GPC5: variants seen among roughly 807,000 people sequenced by gnomAD.
GPC5 encodes the protein glypican-5.
In GPC5, 47 loss-of-function variants were observed where a neutral mutation model predicts 53.9. The observed-to-expected ratio is 0.87, with a 90% confidence interval of 0.69 to 1.11. GPC5 has a LOEUF of 1.11. Among genes scored for constraint, GPC5 ranks in the 50% most tolerant of loss-of-function variants. The pLI is 0.00. For missense variants in GPC5, 748 were observed against 713.1 expected (o/e 1.05, Z -0.56); for synonymous variants, 286 against 263.3 (o/e 1.09, Z -0.84).
At chr13:91,450,478 G>T (rs1877214662) in intron 2 of GPC5, among the ~76,000 whole-genome samples, 1 of 152,116 alleles carries the variant, frequency 6.6e-6, no homozygotes, top group Admixed American at 6.6e-5. Context: ...TTGAATCTTG[G>T]ATATGTGATC....
At chr13:92,741,577 A>T (rs1467492609) in intron 7 of GPC5, among the ~76,000 whole-genome samples, 5 of 151,946 alleles carry the variant, frequency 3.3e-5, no homozygotes, top group Non-Finnish European at 5.9e-5. Flanking sequence ...AAACATACCA[A>T]GCTAAAATAT....
chr13:91,849,856 C>T (rs1254807637), intron 5 of GPC5, among the ~76,000 whole-genome samples: 7 of 151,778 alleles, frequency 4.6e-5, no homozygotes, highest in Non-Finnish European at 1.5e-5. Context: ...TGTCATGTGA[C>T]CATGGAATAT....
intron 7 of GPC5, among the ~76,000 whole-genome samples, chr13:92,839,153 C>G (rs545346984): frequency 6.6e-6 from 1 of 152,250 alleles, no homozygotes; most frequent in East Asian, 1.9e-4. Context: ...ACTAACTGAC[C>G]AATTGTAAGA....
At chr13:91,590,084 AC>A (rs1260987401) in intron 2 of GPC5, among the ~76,000 whole-genome samples, 2 of 151,670 alleles carry the variant, frequency 1.3e-5, no homozygotes, top group African/African-American at 4.8e-5. Flanking sequence ...TATATATATG[AC>A]CTTTCATATC....
chr13:91,761,240 G>A (rs1455170609), intron 5 of GPC5, among the ~76,000 whole-genome samples: 2 of 152,062 alleles, frequency 1.3e-5, no homozygotes, highest in Non-Finnish European at 2.9e-5. Flanking sequence ...CTTCCACAGT[G>A]GCTCTTAAAC....
At chr13:92,754,575 C>G (rs2139330719) in intron 7 of GPC5, among the ~76,000 whole-genome samples, 1 of 151,588 alleles carries the variant, frequency 6.6e-6, no homozygotes, top group South Asian at 2.1e-4. Flanking sequence ...GTGCTGTATT[C>G]AGGAAACCCA....
intron 7 of GPC5, among the ~76,000 whole-genome samples, chr13:92,859,091 T>TA (rs1295626299): frequency 2.6e-5 from 4 of 151,878 alleles, no homozygotes; most frequent in Non-Finnish European, 2.9e-5. Flanking sequence ...AAACTTTTTT[T>TA]AAAAAAAATT....
chr13:91,518,390 C>A (rs1053428407), intron 2 of GPC5, among the ~76,000 whole-genome samples: 3 of 151,906 alleles, frequency 2.0e-5, no homozygotes, highest in Non-Finnish European at 4.4e-5. Context: ...TAACAAAAAA[C>A]AAAAGAAAGA....
intron 7 of GPC5, among the ~76,000 whole-genome samples, chr13:92,540,304 T>C (rs973471735): frequency 6.6e-6 from 1 of 151,972 alleles, no homozygotes; most frequent in African/African-American, 2.4e-5. Context: ...AATTGCTATG[T>C]AGCTTCCTAG....
At chr13:92,606,141 GGTTTGTTAC>G (rs1427950214) in intron 7 of GPC5, among the ~76,000 whole-genome samples, 1 of 151,934 alleles carries the variant, frequency 6.6e-6, no homozygotes, top group African/African-American at 2.4e-5. Context: ...ACAACGTGCA[GGTTTGTTAC>G]ATATGTATAC....
At chr13:92,204,267 A>G (rs1264321034) in intron 7 of GPC5, among the ~76,000 whole-genome samples, 1 of 152,264 alleles carries the variant, frequency 6.6e-6, no homozygotes, top group Admixed American at 6.5e-5. Flanking sequence ...ATTGACTTGC[A>G]TAAAATGATA....
At chr13:92,184,965 T>C (rs1214142388) in intron 7 of GPC5, among the ~76,000 whole-genome samples, 4 of 152,124 alleles carry the variant, frequency 2.6e-5, no homozygotes, top group Non-Finnish European at 5.9e-5. Context: ...GCTGAAAAGG[T>C]AAAAACAACA....
At chr13:92,021,756 T>G (rs1159324270) in intron 6 of GPC5, among the ~76,000 whole-genome samples, 1 of 152,216 alleles carries the variant, frequency 6.6e-6, no homozygotes, top group Non-Finnish European at 1.5e-5. Flanking sequence ...ATATTTATAG[T>G]ATAGTTTGTA....
At chr13:92,355,776 T>C (rs761761836) in intron 7 of GPC5, among the ~76,000 whole-genome samples, 1 of 152,114 alleles carries the variant, frequency 6.6e-6, no homozygotes, top group Non-Finnish European at 1.5e-5. Flanking sequence ...CAAATTTCAA[T>C]TTCAAGCACC....
chr13:92,759,382 C>T (rs993102871), intron 7 of GPC5, among the ~76,000 whole-genome samples: 11 of 151,874 alleles, frequency 7.2e-5, no homozygotes, highest in African/African-American at 2.7e-4. Context: ...AATGGGATAT[C>T]TTTCCATTAA....
chr13:91,620,543 T>C (rs188635494), intron 2 of GPC5, among the ~76,000 whole-genome samples: 119 of 152,258 alleles, frequency 7.8e-4, no homozygotes, highest in African/African-American at 2.8e-3. Context: ...TCTGCATCTC[T>C]CTTTGGTAAA....
At chr13:91,685,774 G>A (rs535343988) in intron 2 of GPC5, among the ~76,000 whole-genome samples, 1 of 152,136 alleles carries the variant, frequency 6.6e-6, no homozygotes, top group African/African-American at 2.4e-5. Context: ...CACTAAGAGG[G>A]AATAGACAGT....
intron 7 of GPC5, among the ~76,000 whole-genome samples, chr13:92,438,021 T>C (rs1388958009): frequency 1.3e-5 from 2 of 152,102 alleles, no homozygotes; most frequent in Non-Finnish European, 2.9e-5. Flanking sequence ...AATTTAACAA[T>C]CACAGACATG....
At chr13:92,642,224 G>T (rs1197938256) in intron 7 of GPC5, among the ~76,000 whole-genome samples, 1 of 152,064 alleles carries the variant, frequency 6.6e-6, no homozygotes, top group Admixed American at 6.5e-5. Flanking sequence ...ATTTATTGTT[G>T]AAGTAAAAAA....
Sources: gnomAD v4.1 joint callset for allele counts (sites outside exome capture counted in the v4.1 genomes callset) on GRCh38, gnomAD v4.1.1 for gene constraint, MANE v1.5 for transcripts, NCBI Gene and HGNC (gene_info 2026-07-23, HGNC 2026-07-21) for gene names.